The following ABCC4 variants were observed in gnomAD, a reference collection of about 807,000 sequenced individuals.
ABCC4 encodes the protein ATP-binding cassette sub-family C member 4.
Under a neutral mutation model 168.5 loss-of-function variants are expected in ABCC4, and 102 were observed. The ratio of observed to expected loss-of-function variants is 0.61; its 90% CI spans 0.52 to 0.71. ABCC4 has a LOEUF of 0.71. Ranked by LOEUF, ABCC4 falls within the 30% of genes least tolerant of loss-of-function variation. The pLI, the probability that ABCC4 is intolerant of heterozygous loss-of-function variation, is 0.00. For synonymous variants in ABCC4, 617 were observed against 590.7 expected, an observed-to-expected ratio of 1.04 and a Z score of -0.65; for missense variants, 1,402 against 1,605.8, an observed-to-expected ratio of 0.87 and a Z score of 2.17.
intron 3 of ABCC4, among the ~76,000 whole-genome samples, chr13:95,241,817 CTGGTGCCATCAT>C (rs1441004150): frequency 6.6e-6 from 1 of 152,182 alleles, no homozygotes; most frequent in Non-Finnish European, 1.5e-5. Context: ...TCTCTTCCTG[CTGGTGCCATCAT>C]TAGTACCCAG....
At position 95,210,916 on chromosome 13, in the gene ABCC4, G is replaced by A; in HGVS notation, c.532-135C>T. The A allele has an allele frequency of 2.2e-5, 13 of 586,532 alleles. 1 individual carries two copies. The South Asian group carries it at 2.9e-4, about 13-fold the overall frequency. The allele number at this position is 586,532 out of a possible 1,614,324, so 36.3% of individuals were successfully genotyped here. ...GCACAAGCATCCCCACCCCCCCACTGCCCCCTCTCTCTGCCCCACCAGCAC... is the reference window on the plus strand; with the variant it reads ...GCACAAGCATCCCCACCCCCCCACTACCCCCTCTCTCTGCCCCACCAGCAC... On this transcript the variant is annotated intron_variant, in intron 4 of 30. Coordinates refer to ENST00000645237, the MANE Select transcript of ABCC4 (RefSeq NM_005845.5).
chr13:95,262,110 C>T (rs1228412660), intron 1 of ABCC4, among the ~76,000 whole-genome samples: 1 of 152,142 alleles, frequency 6.6e-6, no homozygotes, highest in African/African-American at 2.4e-5. Context: ...GCCTGGGGGG[C>T]AGCTCTCAGC....
chr13:95,109,336 C>A (rs868564907), intron 20 of ABCC4, among the ~76,000 whole-genome samples: 1 of 151,876 alleles, frequency 6.6e-6, no homozygotes, highest in South Asian at 2.1e-4. Context: ...TTTCGCTGGT[C>A]CTTAAAGGAT....
In ABCC4 at chr13:95,268,817, T is replaced by G. The variant is rs1032305099; in HGVS notation, c.75-21064A>C. Among the ~76,000 whole-genome samples, 48 of 152,246 alleles carry G rather than the reference T, an allele frequency of 3.2e-4. 2 individuals are homozygous for G. Among genetic ancestry groups the G allele is most frequent in the African/African-American group, 1.1e-3 (45 of 41,564 alleles). On this transcript the variant is annotated intron_variant, in intron 1 of 30. Coordinates refer to ENST00000645237, the MANE Select transcript of ABCC4 (RefSeq NM_005845.5). ...CCGAGAAATAATGATCAATAAATACTGAGGGAACTCAGAGACCGGTGCCTG... is the reference window on the plus strand; with the variant it reads ...CCGAGAAATAATGATCAATAAATACGGAGGGAACTCAGAGACCGGTGCCTG...
intron 13 of ABCC4, among the ~76,000 whole-genome samples, chr13:95,177,347 T>C (rs562474954): frequency 2.0e-5 from 3 of 152,114 alleles, no homozygotes; most frequent in Non-Finnish European, 4.4e-5. Context: ...CACCCTTCCA[T>C]TGAAAAATGG....
At chr13:95,288,274 A>G (rs777978836) in intron 1 of ABCC4, among the ~76,000 whole-genome samples, 9 of 152,186 alleles carry the variant, frequency 5.9e-5, no homozygotes, top group Non-Finnish European at 1.2e-4. Context: ...GGTCCTACCT[A>G]AGACACAGGT....
rs2032041195 is a variant in ABCC4 at position 95,034,646 on chromosome 13, C to G, written c.3829G>C (p.Gly1277Arg). ...SLFYKMVQQL[G>R]KAEAAALTET... The stretch of plus-strand genomic sequence containing the variant: ...GTGAGGGCAGCGGCTTCTGCCTTGC[C>G]CAGTTGTTGCACCATCTTGTAAAAT... Residue 1277 changes from glycine to arginine, a missense_variant, in exon 30 of 31, where the codon GGC (glycine) becomes CGC (arginine). By Grantham distance (125) the Gly-to-Arg change is moderately radical. This residue lies in a region of ABCC4 where 1,007 missense variants were observed against 1,127.3 expected (regional missense o/e 0.89). Transcript: ENST00000645237. The G allele has an allele frequency of 6.2e-7, 1 of 1,614,218 alleles. No homozygotes were observed. The highest frequency in any genetic ancestry group is 1.3e-5 in the African/African-American group (1 of 75,064).
chr13:95,075,468 G>A lies in ABCC4; in HGVS notation c.2770C>T (p.Gln924Ter). 6 of 1,614,106 alleles carry A rather than the reference G, an allele frequency of 3.7e-6. No individual in the cohort carries two copies. Among genetic ancestry groups the A allele is most frequent in the Non-Finnish European group, 5.1e-6 (6 of 1,180,004 alleles). Residue 924 changes from glutamine (Q) to a stop codon, truncating the protein, a stop_gained, in exon 22 of 31, where the codon CAG becomes TAG. Coordinates refer to ENST00000645237, the MANE Select transcript of ABCC4 (RefSeq NM_005845.5). LOFTEE classifies it high-confidence loss of function. Reference protein sequence around the residue: ...IRAYKAEERCQELFDAHQDLH... With the variant: ...IRAYKAEERC ...TCCTGGTGTGCATCAAACAGTTCCT[G>A]ACACCTCTCTTCTGCTTTGTATGCC...
chr13:95,208,437 G>A (rs973252554), intron 6 of ABCC4, among the ~76,000 whole-genome samples: 3 of 151,328 alleles, frequency 2.0e-5, no homozygotes, highest in African/African-American at 7.3e-5. Flanking sequence ...GGTCCAAGTA[G>A]AAAATACACC....
At chr13:95,226,241 T>C (rs1328925129) in intron 4 of ABCC4, among the ~76,000 whole-genome samples, 1 of 151,806 alleles carries the variant, frequency 6.6e-6, no homozygotes, top group Non-Finnish European at 1.5e-5. Flanking sequence ...GAAAAGCTGA[T>C]TCTAAAGTCA....
chr13:95,195,350 G>A (rs1009277395), intron 8 of ABCC4, among the ~76,000 whole-genome samples: 6 of 152,080 alleles, frequency 3.9e-5, no homozygotes, highest in Admixed American at 6.6e-5. Flanking sequence ...GCCAAGCCCC[G>A]CGCTAGATGC....
At chr13:95,170,370 G>T (rs940518737) in intron 14 of ABCC4, 162 bp downstream of exon 14, 2 of 510,424 alleles carry the variant, frequency 3.9e-6, no homozygotes, top group Admixed American at 7.4e-5. Context: ...ACGGTAATAT[G>T]GTTTAGCATG....
intron 8 of ABCC4, among the ~76,000 whole-genome samples, chr13:95,200,770 T>A (rs1013756408): frequency 6.6e-6 from 1 of 152,178 alleles, no homozygotes; most frequent in African/African-American, 2.4e-5. Context: ...CAATGCCTGA[T>A]GAAGCAGAAT....
intron 26 of ABCC4, among the ~76,000 whole-genome samples, chr13:95,059,073 C>T (rs3782942): frequency 0.3 from 46,185 of 152,130 alleles, 7,234 homozygotes; most frequent in Non-Finnish European, 0.34. Context: ...TGCGTGTGTG[C>T]GCACCTGCAC....
intron 4 of ABCC4, among the ~76,000 whole-genome samples, chr13:95,222,719 T>G (rs570166748): frequency 1.3e-5 from 2 of 152,296 alleles, no homozygotes; most frequent in African/African-American, 4.8e-5. Flanking sequence ...TTAACACACC[T>G]GGCATACGGT....
At chr13:95,210,647 G>C (rs1415846222) in intron 5 of ABCC4, 45 bp downstream of exon 5, 2 of 1,461,500 alleles carry the variant, frequency 1.4e-6, no homozygotes, top group Non-Finnish European at 1.9e-6. Context: ...AGGGGAAAGA[G>C]GGGTGTTTAA....
chr13:95,263,103 C>T (rs781202595), intron 1 of ABCC4, among the ~76,000 whole-genome samples: 2 of 152,052 alleles, frequency 1.3e-5, no homozygotes, highest in East Asian at 1.9e-4. Context: ...AAGCGCAAGG[C>T]GGGTGTAATG....
intron 19 of ABCC4, among the ~76,000 whole-genome samples, chr13:95,122,953 A>T (rs1004386231): frequency 6.6e-6 from 1 of 152,216 alleles, no homozygotes; most frequent in Non-Finnish European, 1.5e-5. Flanking sequence ...TTTTCATATA[A>T]TTATGACATA....
chr13:95,230,552 A>G (rs1450331637), intron 4 of ABCC4, among the ~76,000 whole-genome samples: 1 of 152,208 alleles, frequency 6.6e-6, no homozygotes, highest in African/African-American at 2.4e-5. Flanking sequence ...CAAGGTGAGC[A>G]GATCGCGAGG....
Sources: allele counts gnomAD v4.1 joint callset (sites outside exome capture counted in the v4.1 genomes callset), GRCh38; gene constraint gnomAD v4.1.1; regional missense constraint gnomAD v4.1.1; transcripts MANE v1.5; gene names NCBI Gene and HGNC (gene_info 2026-07-23, HGNC 2026-07-21).